Variants in DLG2 observed in about 807,000 individuals in gnomAD.
DLG2 encodes discs large MAGUK scaffold protein 2, also known as disks large homolog 2.
In DLG2, 45 loss-of-function variants were observed where a neutral mutation model predicts 132.5. The ratio of observed to expected loss-of-function variants is 0.34; its 90% CI spans 0.27 to 0.44. The LOEUF (loss-of-function observed/expected upper bound fraction) is 0.44. Among genes scored for constraint, DLG2 ranks in the 20% least tolerant of loss-of-function variants. DLG2 has a pLI of 1.00. For missense variants in DLG2, 1,045 were observed against 1,196.9 expected (o/e 0.87, Z 1.87); for synonymous variants, 424 against 419.6 (o/e 1.01, Z -0.13).
chr11:85,114,172 T>A (rs1347193145), intron 5 of DLG2, among the ~76,000 whole-genome samples: 2 of 152,002 alleles, frequency 1.3e-5, no homozygotes. Context: ...TTCATTCTCC[T>A]TCTTCAGTAT....
rs1296566043 is a variant in DLG2 at position 85,465,547 on chromosome 11, C to T, written c.40+133110G>A. On this transcript the variant is annotated intron_variant, in intron 3 of 27. Coordinates refer to ENST00000376104, the MANE Select transcript of DLG2 (RefSeq NM_001142699.3). ...TTCAATTCCCACCTATGAGTGAGAA[C>T]ATGTGGTATTTGGTTTTTTGTCCTT... Among the ~76,000 whole-genome samples, 13 of 152,058 alleles carry T rather than the reference C, an allele frequency of 8.5e-5. 1 individual carries two copies. In the East Asian group the frequency reaches 1.7e-3, roughly 20 times the overall value.
chr11:83,920,596 A>G (rs563749956), intron 15 of DLG2, among the ~76,000 whole-genome samples: 175 of 152,230 alleles, frequency 1.1e-3, no homozygotes, highest in Middle Eastern at 6.8e-3. Context: ...TGGGGGGGTC[A>G]CAATACATCA....
chr11:84,121,587 A>C (rs2093918513), intron 9 of DLG2, among the ~76,000 whole-genome samples: 1 of 77,342 alleles, frequency 1.3e-5, no homozygotes, highest in Admixed American at 2.2e-4. Context: ...TTTGAGACGG[A>C]GTCTCGCTCT....
At chr11:85,542,442 G>C (rs1259603055) in intron 3 of DLG2, among the ~76,000 whole-genome samples, 2 of 152,168 alleles carry the variant, frequency 1.3e-5, no homozygotes, top group Non-Finnish European at 2.9e-5. Context: ...GGAATCCTTT[G>C]AAGATAAAAT....
intron 19 of DLG2, among the ~76,000 whole-genome samples, chr11:83,602,647 T>C (rs536451441): frequency 6.6e-6 from 1 of 152,326 alleles, no homozygotes; most frequent in African/African-American, 2.4e-5. Flanking sequence ...GTCTTAGAAC[T>C]GGACAAAATT....
At chr11:83,472,927 A>G in intron 22 of DLG2, 150 bp from the exon 23 acceptor site, 3 of 662,348 alleles carry the variant, frequency 4.5e-6, no homozygotes, top group Non-Finnish European at 7.8e-6. Flanking sequence ...CTTCATCCTC[A>G]TAAAACTCTT....
chr11:83,797,141 A>T (rs1392447627), intron 17 of DLG2, among the ~76,000 whole-genome samples: 1 of 152,118 alleles, frequency 6.6e-6, no homozygotes, highest in East Asian at 1.9e-4. Context: ...GAGGGCCTGC[A>T]CATCTGAAGA....
intron 7 of DLG2, among the ~76,000 whole-genome samples, chr11:84,481,904 G>C (rs2099138786): frequency 6.6e-6 from 1 of 152,156 alleles, no homozygotes; most frequent in South Asian, 2.1e-4. Context: ...GGATCAGACA[G>C]GGACTTCAAC....
chr11:84,015,414 A>T (rs2095120546), intron 11 of DLG2, among the ~76,000 whole-genome samples: 1 of 152,156 alleles, frequency 6.6e-6, no homozygotes, highest in Admixed American at 6.6e-5. Flanking sequence ...CATGTGCAGC[A>T]TGTGCAGGTT....
At chr11:84,452,786 T>G (rs1175664253) in intron 7 of DLG2, among the ~76,000 whole-genome samples, 3 of 151,524 alleles carry the variant, frequency 2.0e-5, no homozygotes, top group Non-Finnish European at 4.4e-5. Context: ...GACAACCTGG[T>G]ATGGTGGTGT....
chr11:84,600,139 AGAAG>A (rs2099572300), intron 6 of DLG2, among the ~76,000 whole-genome samples: 1 of 145,066 alleles, frequency 6.9e-6, no homozygotes, highest in Admixed American at 7.1e-5. Context: ...AAAGAAAGAA[AGAAG>A]GAAAGAAAGA....
intron 11 of DLG2, among the ~76,000 whole-genome samples, chr11:83,988,988 T>C (rs2093537922): frequency 6.6e-6 from 1 of 152,102 alleles, no homozygotes; most frequent in Non-Finnish European, 1.5e-5. Flanking sequence ...TTTTGTACTA[T>C]GCAAGTAGAA....
rs535664209 is a variant in DLG2 at position 84,951,512 on chromosome 11, T to A, written c.357+160149A>T. Reference sequence around the variant, plus strand: ...AAATAAAATGTTTGATTTGTCATTCTTCTCTTTTATAAATACCGACGAGCA... The same window carrying A: ...AAATAAAATGTTTGATTTGTCATTCATCTCTTTTATAAATACCGACGAGCA... On this transcript the variant is annotated intron_variant, in intron 6 of 27. Transcript: ENST00000376104. 1.6e-4 allele frequency among the ~76,000 whole-genome samples: 25 copies of A among 152,096 alleles called. 1 individual carries two copies. Among genetic ancestry groups the A allele is most frequent in the African/African-American group, 5.8e-4 (24 of 41,522 alleles).
At chr11:85,170,142 T>TA in intron 4 of DLG2, among the ~76,000 whole-genome samples, 1 of 152,240 alleles carries the variant, frequency 6.6e-6, no homozygotes, top group East Asian at 1.9e-4. Context: ...AACTGTATTT[T>TA]AAAAAATAAA....
At chr11:84,907,180 T>A (rs962156642) in intron 6 of DLG2, among the ~76,000 whole-genome samples, 1 of 152,144 alleles carries the variant, frequency 6.6e-6, no homozygotes, top group African/African-American at 2.4e-5. Flanking sequence ...GACTGACAAG[T>A]CCGACTTCAT....
intron 6 of DLG2, among the ~76,000 whole-genome samples, chr11:85,074,496 G>A (rs1272054130): frequency 1.3e-5 from 2 of 151,902 alleles, no homozygotes; most frequent in Non-Finnish European, 2.9e-5. Context: ...CTTTTATTCT[G>A]TAGATTCGCA....
chr11:84,503,959 A>C (rs1473149374), intron 7 of DLG2, among the ~76,000 whole-genome samples: 1 of 152,178 alleles, frequency 6.6e-6, no homozygotes, highest in Non-Finnish European at 1.5e-5. Context: ...ACTCTGATGA[A>C]TTGGAGTGTG....
chr11:83,904,464 AAAT>A (rs1386512728), intron 15 of DLG2, among the ~76,000 whole-genome samples: 5 of 152,210 alleles, frequency 3.3e-5, no homozygotes, highest in African/African-American at 1.2e-4. Context: ...TTAACAGCTT[AAAT>A]AATGATCTTA....
At chr11:85,428,659 C>T (rs1245399030) in intron 3 of DLG2, among the ~76,000 whole-genome samples, 2 of 152,032 alleles carry the variant, frequency 1.3e-5, no homozygotes. Flanking sequence ...GCACTAAATG[C>T]CCACAAGAGA....
Sources: allele counts gnomAD v4.1 joint callset (sites outside exome capture counted in the v4.1 genomes callset), GRCh38; gene constraint gnomAD v4.1.1; transcripts MANE v1.5; gene names NCBI Gene and HGNC (gene_info 2026-07-23, HGNC 2026-07-21).